The following HEPACAM2 variants were observed in gnomAD, a reference collection of about 807,000 sequenced individuals.
The protein encoded by HEPACAM2 is mitotic kinetics regulator.
Under a neutral mutation model 49.6 loss-of-function variants are expected in HEPACAM2, and 49 were observed. That is an observed-to-expected ratio of 0.99 (90% CI 0.78 to 1.25). The LOEUF is 1.25. HEPACAM2 is among the 50% of genes most tolerant of loss of function. The pLI is 0.00. For synonymous variants in HEPACAM2, 197 were observed against 202.9 expected (o/e 0.97, Z 0.25); for missense variants, 525 against 557.2 (o/e 0.94, Z 0.58).
At chr7:93,201,730 A>G (rs1200695065) in intron 4 of HEPACAM2, among the ~76,000 whole-genome samples, 2 of 152,100 alleles carry the variant, frequency 1.3e-5, no homozygotes, top group African/African-American at 4.8e-5. Context: ...AGCAATGACA[A>G]ATAAATCAAA....
chr7:93,192,723 T>A (rs746301243), intron 8 of HEPACAM2, among the ~76,000 whole-genome samples: 1 of 152,086 alleles, frequency 6.6e-6, no homozygotes, highest in Non-Finnish European at 1.5e-5. Context: ...ATCTTTTCTA[T>A]ACCTCAGTTA....
rs752339601 is a variant in HEPACAM2 at position 93,189,283 on chromosome 7, T to C, written c.1386-13A>G. 1.3e-6 allele frequency: 2 copies of C among 1,584,500 alleles called. No homozygotes were observed. Among genetic ancestry groups the C allele is most frequent in the Non-Finnish European group, 1.7e-6 (2 of 1,162,886 alleles). ...CATGAAAGTTCACCTAGTGAAGAGA[T>C]ATACAAAATATGTAAACAGTTCTAT... is the stretch of plus-strand genomic sequence containing the variant. On this transcript the variant is annotated splice_polypyrimidine_tract_variant and intron_variant, in intron 9 of 9. Transcript: ENST00000394468.
chr7:93,231,085 G>T (rs924717420), upstream of HEPACAM2, among the ~76,000 whole-genome samples: 4 of 152,092 alleles, frequency 2.6e-5, no homozygotes, highest in Non-Finnish European at 5.9e-5. Flanking sequence ...TAGAATTTCA[G>T]AATCAGAAAT....
chr7:93,216,295 A>T lies in HEPACAM2; in HGVS notation c.431-610T>A, dbSNP rs568661466. Among the ~76,000 whole-genome samples, 6 of 152,324 alleles carry T rather than the reference A, an allele frequency of 3.9e-5. No individual in the cohort carries two copies. The South Asian group carries it at 1.2e-3, about 32-fold the overall frequency. On this transcript the variant is annotated intron_variant, in intron 2 of 9. Transcript: ENST00000394468. ...TAACATTATGTTAGGCACTTTAACA[A>T]ACCAAAACCTACATTTATTTCAACA...
rs1794394105 is a variant in HEPACAM2 at position 93,219,335 on chromosome 7, T to C, written c.196A>G (p.Ile66Val). ...TGGGGTCTCTCAAATAGCCATATGA[T>C]CTGGATGTCTGATGCTGGAGTGTGG... is the stretch of plus-strand genomic sequence containing the variant. ...GFHTPASDIQ[I>V]IWLFERPHTM... The change falls in exon 2 of 10, where the codon ATC becomes GTC. Residue 66 changes from isoleucine to valine, a missense_variant. Transcript: ENST00000394468. 2 of 1,613,982 alleles carry C rather than the reference T, an allele frequency of 1.2e-6. No homozygotes were observed. Among genetic ancestry groups the C allele is most frequent in the Non-Finnish European group, 8.5e-7 (1 of 1,179,950 alleles).
At chr7:93,221,424 G>T (rs1794448448) in intron 1 of HEPACAM2, among the ~76,000 whole-genome samples, 1 of 152,166 alleles carries the variant, frequency 6.6e-6, no homozygotes, top group South Asian at 2.1e-4. Context: ...GGGAAAGGTA[G>T]AAAGATCTGT....
Position 93,219,413 on chromosome 7 carries a change from T to C in HEPACAM2, c.118A>G (p.Thr40Ala), listed in dbSNP as rs1398327994. 1.2e-6 allele frequency: 2 copies of C among 1,613,964 alleles called. No individual in the cohort carries two copies. The highest frequency in any genetic ancestry group is 1.7e-6 in the Non-Finnish European group (2 of 1,179,950). ...SGLKVTVPSH[T>A]VHGVRGQALY... is the part of the protein sequence containing the mutation. ...GCCTGACCTCTGACGCCATGGACAGTGTGTGATGGCACTGTCACCTTCAGC... is the reference window on the plus strand; with the variant it reads ...GCCTGACCTCTGACGCCATGGACAGCGTGTGATGGCACTGTCACCTTCAGC... The change falls in exon 2 of 10, where the codon ACT becomes GCT. Residue 40 changes from threonine (T) to alanine (A), a missense_variant. By Grantham distance (58) the Thr-to-Ala change is moderately conservative. Transcript: ENST00000394468.
chr7:93,226,547 G>T, upstream of HEPACAM2: 2 of 840,648 alleles, frequency 2.4e-6, no homozygotes, highest in Non-Finnish European at 4.0e-6. Context: ...CTTGCCTCTT[G>T]CTTCTGTGAT....
intron 4 of HEPACAM2, among the ~76,000 whole-genome samples, chr7:93,208,352 T>G (rs1335736820): frequency 2.0e-5 from 3 of 152,062 alleles, no homozygotes; most frequent in Non-Finnish European, 4.4e-5. Context: ...TCCCTTTTTC[T>G]TCATAGCCCT....
rs533182116 is a variant in HEPACAM2 at position 93,226,129 on chromosome 7, T to A, written c.79+239A>T. Among the ~76,000 whole-genome samples, 10 of 152,322 alleles carry A rather than the reference T, an allele frequency of 6.6e-5. No homozygotes were observed. The East Asian group carries it at 1.3e-3, about 21-fold the overall frequency. The stretch of plus-strand genomic sequence containing the variant: ...TTTAAAAATATCTGAATTATCTTAA[T>A]GAGTGCTATGACAATAATTGTTGTT... On this transcript the variant is annotated intron_variant, in intron 1 of 9. Transcript: ENST00000394468.
chr7:93,218,375 T>G (rs987735758), intron 2 of HEPACAM2, among the ~76,000 whole-genome samples: 1 of 152,098 alleles, frequency 6.6e-6, no homozygotes, highest in African/African-American at 2.4e-5. Flanking sequence ...GGTTGGATTT[T>G]GTCTATATTT....
intron 4 of HEPACAM2, among the ~76,000 whole-genome samples, chr7:93,201,155 A>C (rs1359601844): frequency 1.3e-5 from 2 of 152,158 alleles, no homozygotes; most frequent in African/African-American, 4.8e-5. Context: ...ATGAAATAAC[A>C]TTATTAGAAG....
chr7:93,224,666 C>T (rs933073101), intron 1 of HEPACAM2, among the ~76,000 whole-genome samples: 12 of 152,230 alleles, frequency 7.9e-5, no homozygotes, highest in Admixed American at 3.9e-4. Flanking sequence ...CTCCCTAGAC[C>T]GGTTTCATTG....
At chr7:93,223,482 G>T (rs1794487468) in intron 1 of HEPACAM2, among the ~76,000 whole-genome samples, 1 of 152,064 alleles carries the variant, frequency 6.6e-6, no homozygotes, top group African/African-American at 2.4e-5. Flanking sequence ...AGTAGAAAAA[G>T]ATATTTAATA....
chr7:93,202,019 C>CAA (rs200583953), intron 4 of HEPACAM2, among the ~76,000 whole-genome samples: 185 of 28,406 alleles, frequency 6.5e-3, no homozygotes, highest in East Asian at 0.016. Flanking sequence ...GATAAAAAAG[C>CAA]AAAAAAAAAA....
chr7:93,217,880 G>C (rs1489748315), intron 2 of HEPACAM2, among the ~76,000 whole-genome samples: 108 of 87,500 alleles, frequency 1.2e-3, no homozygotes, highest in African/African-American at 5.0e-3. Context: ...GTGTGTCTGT[G>C]TGTGTGTGTG....
chr7:93,195,498 T>C (rs1024792008), intron 8 of HEPACAM2, among the ~76,000 whole-genome samples: 1 of 152,158 alleles, frequency 6.6e-6, no homozygotes, highest in African/African-American at 2.4e-5. Context: ...GGAATACAGA[T>C]GTGAGCCACC....
At chr7:93,199,174 G>C (rs1040266963) in intron 4 of HEPACAM2, among the ~76,000 whole-genome samples, 2 of 152,028 alleles carry the variant, frequency 1.3e-5, no homozygotes, top group African/African-American at 4.8e-5. Context: ...TTCTTAAAAT[G>C]TTATTCTATG....
rs189559741 is a variant in HEPACAM2, at chr7:93,222,480, C to T, written c.80-3029G>A. Among the ~76,000 whole-genome samples, 44 of 152,056 alleles carry T rather than the reference C, an allele frequency of 2.9e-4. 1 individual carries two copies. Among genetic ancestry groups the T allele is most frequent in the African/African-American group, 1.0e-3 (42 of 41,462 alleles). The stretch of plus-strand genomic sequence containing the variant: ...ATCTTGGACTCCCATGTTCTATGTC[C>T]GCCATTGAGTCTTAAATTTATCACT... On this transcript the variant is annotated intron_variant, in intron 1 of 9. Transcript: ENST00000394468.
Sources: allele counts gnomAD v4.1 joint callset (sites outside exome capture counted in the v4.1 genomes callset), GRCh38; gene constraint gnomAD v4.1.1; transcripts MANE v1.5; gene names NCBI Gene and HGNC (gene_info 2026-07-23, HGNC 2026-07-21).